Variants in GPATCH2L observed in about 807,000 individuals in gnomAD.
The protein encoded by GPATCH2L is G-patch domain containing 2 like, also known as G patch domain-containing protein 2-like.
Under a neutral mutation model 57.4 loss-of-function variants are expected in GPATCH2L, and 31 were observed. The ratio of observed to expected loss-of-function variants is 0.54; its 90% CI spans 0.41 to 0.73. The LOEUF is 0.73. Among genes scored for constraint, GPATCH2L ranks in the 30% least tolerant of loss-of-function variants. GPATCH2L has a pLI of 0.00. For missense variants in GPATCH2L, 481 were observed against 599.9 expected, an observed-to-expected ratio of 0.80 and a Z score of 2.07; for synonymous variants, 199 against 210.7, an observed-to-expected ratio of 0.94 and a Z score of 0.48.
chr14:76,169,044 C>T (rs948416442), intron 3 of GPATCH2L, among the ~76,000 whole-genome samples: 2 of 152,202 alleles, frequency 1.3e-5, no homozygotes, highest in African/African-American at 4.8e-5. Flanking sequence ...TGTGCTGGCT[C>T]CACCTGATGT....
intron 2 of GPATCH2L, among the ~76,000 whole-genome samples, chr14:76,165,859 C>A (rs1158990446): frequency 6.6e-6 from 1 of 152,130 alleles, no homozygotes; most frequent in Non-Finnish European, 1.5e-5. Context: ...TTTCTTGCAT[C>A]TTCTAGAGTA....
At chr14:76,160,653 CT>C (rs2038540652) in intron 2 of GPATCH2L, among the ~76,000 whole-genome samples, 1 of 152,092 alleles carries the variant, frequency 6.6e-6, no homozygotes, top group South Asian at 2.1e-4. Flanking sequence ...TTTAGTTTTT[CT>C]TTTTTTCACA....
At chr14:76,190,108 C>G (rs965916713) in intron 8 of GPATCH2L, among the ~76,000 whole-genome samples, 1 of 82,694 alleles carries the variant, frequency 1.2e-5, no homozygotes, top group African/African-American at 3.7e-5. Context: ...ATGTATTTCT[C>G]AAAGTATTTT....
downstream of GPATCH2L, among the ~76,000 whole-genome samples, chr14:76,218,146 A>G (rs1004530715): frequency 3.9e-5 from 6 of 152,200 alleles, no homozygotes; most frequent in African/African-American, 1.4e-4. Context: ...ATTTCATTGA[A>G]GTCAGGAACA....
intron 9 of GPATCH2L, 50 bp downstream of exon 9, chr14:76,196,022 C>A: frequency 7.6e-7 from 1 of 1,309,852 alleles, no homozygotes; most frequent in Non-Finnish European, 1.1e-6. Flanking sequence ...GTGCCAGGCA[C>A]TAAATTATGT....
chr14:76,196,229 C>T (rs557878441), intron 9 of GPATCH2L: 2 of 618,888 alleles, frequency 3.2e-6, no homozygotes, highest in Admixed American at 5.3e-5. Flanking sequence ...GTCATCTGAG[C>T]TTTTGTTTTA....
chr14:76,195,528 C>T (rs1426218110), intron 8 of GPATCH2L, among the ~76,000 whole-genome samples: 2 of 152,104 alleles, frequency 1.3e-5, no homozygotes, highest in Non-Finnish European at 2.9e-5. Context: ...CAATGTATTA[C>T]CTCTTGGGAG....
intron 1 of GPATCH2L, among the ~76,000 whole-genome samples, chr14:76,229,331 C>A (rs550612406): frequency 6.6e-6 from 1 of 152,316 alleles, no homozygotes; most frequent in East Asian, 1.9e-4. Flanking sequence ...TCAGAATTGA[C>A]AGGGACTAAA....
At chr14:76,166,936 T>A (rs1359121188) in intron 3 of GPATCH2L, among the ~76,000 whole-genome samples, 2 of 152,022 alleles carry the variant, frequency 1.3e-5, no homozygotes, top group African/African-American at 4.8e-5. Flanking sequence ...CCCTGGAATC[T>A]GCATTTTTCA....
At chr14:76,222,548 A>G (rs2040519898) in intron 1 of GPATCH2L, among the ~76,000 whole-genome samples, 1 of 152,180 alleles carries the variant, frequency 6.6e-6, no homozygotes, top group African/African-American at 2.4e-5. Flanking sequence ...TCAAGGCTGC[A>G]ATGAGCTGAG....
At chr14:76,182,585 C>CAAA (rs66602777) in intron 8 of GPATCH2L, among the ~76,000 whole-genome samples, 27 of 84,752 alleles carry the variant, frequency 3.2e-4, no homozygotes, top group Non-Finnish European at 3.9e-4. Flanking sequence ...GACCCTGTCT[C>CAAA]AAAAAAAAAA....
rs1196157215 is a variant in GPATCH2L, at chr14:76,202,779, A to T, written c.*928A>T. The T allele has an allele frequency of 6.6e-6, 1 of 152,642 alleles. No individual in the cohort carries two copies. Among genetic ancestry groups the T allele is most frequent in the Non-Finnish European group, 1.5e-5 (1 of 68,074 alleles). The allele number at this position is 152,642 out of a possible 1,614,324, so 9.5% of individuals were successfully genotyped here. A position where few individuals can be genotyped will look rare whatever the true frequency, so the allele number is the denominator to read the frequency against. ...TTTGGGGAAGTAAAATGTCTTTTTG[A>T]CATGCCTTTATACTTGGCGTGTTTA... On this transcript the variant is annotated 3_prime_UTR_variant, in exon 10 of 10. Transcript: ENST00000261530.
chr14:76,161,787 G>A (rs2038598526), intron 2 of GPATCH2L, among the ~76,000 whole-genome samples: 1 of 152,158 alleles, frequency 6.6e-6, no homozygotes, highest in Non-Finnish European at 1.5e-5. Context: ...TGTAATCCTA[G>A]CACTTTGGGA....
chr14:76,198,722 G>C (rs2040228879), intron 9 of GPATCH2L, among the ~76,000 whole-genome samples: 1 of 152,014 alleles, frequency 6.6e-6, no homozygotes, highest in South Asian at 2.1e-4. Flanking sequence ...CTAGGTCAGT[G>C]ATATGAGAGC....
At chr14:76,230,738 A>C (rs755668503) in intron 2 of GPATCH2L, among the ~76,000 whole-genome samples, 2 of 152,234 alleles carry the variant, frequency 1.3e-5, no homozygotes, top group Non-Finnish European at 2.9e-5. Flanking sequence ...AAGGGTTATC[A>C]ACATCTGGAA....
chr14:76,167,921 T>C (rs1021470959), intron 3 of GPATCH2L, among the ~76,000 whole-genome samples: 4 of 152,254 alleles, frequency 2.6e-5, no homozygotes, highest in African/African-American at 9.6e-5. Context: ...TTAAAGGCTA[T>C]GATGCATAAG....
At chr14:76,183,590 G>T (rs2039656951) in intron 8 of GPATCH2L, among the ~76,000 whole-genome samples, 1 of 151,882 alleles carries the variant, frequency 6.6e-6, no homozygotes, top group Non-Finnish European at 1.5e-5. Context: ...ACTCATGAGG[G>T]TGCACCTCAA....
Position 76,195,918 on chromosome 14 carries a change from A to G in GPATCH2L, c.1234A>G (p.Ile412Val). ...CTGGGGACCACCATGTTCACGTGAC[A>G]TCAAGAGGAAGCGGAAACCAGTGGC... The part of the protein sequence containing the change: ...VHWGPPCSRD[I>V]KRKRKPVATA... The change falls in exon 9 of 10, where the codon ATC becomes GTC. Residue 412 changes from isoleucine to valine, a missense_variant. Physicochemically the swap from Ile to Val is conservative, Grantham distance 29. Around this residue, in one of 3 missense-constraint regions of GPATCH2L, gnomAD observed 248 missense variants for 270.5 expected, o/e 0.92. Coordinates refer to ENST00000261530, the MANE Select transcript of GPATCH2L (RefSeq NM_017926.4). 6.2e-7 allele frequency: 1 copy of G among 1,613,902 alleles called. No homozygotes were observed. The highest frequency in any genetic ancestry group is 8.5e-7 in the Non-Finnish European group (1 of 1,179,802).
intron 1 of GPATCH2L, among the ~76,000 whole-genome samples, chr14:76,222,540 A>G (rs12589969): frequency 0.44 from 66,238 of 152,142 alleles, 17,622 homozygotes; most frequent in South Asian, 0.68. Flanking sequence ...CAGGGAGGTC[A>G]AGGCTGCAAT....
Sources: gnomAD v4.1 joint callset for allele counts (sites outside exome capture counted in the v4.1 genomes callset) on GRCh38, gnomAD v4.1.1 for gene constraint, gnomAD v4.1.1 regional missense constraint, MANE v1.5 for transcripts, NCBI Gene and HGNC (gene_info 2026-07-23, HGNC 2026-07-21) for gene names.